Variants in DLG2 observed in about 807,000 individuals in gnomAD.
DLG2 encodes the protein discs large MAGUK scaffold protein 2, also known as disks large homolog 2.
In DLG2, 45 loss-of-function variants were observed where a neutral mutation model predicts 132.5. The ratio of observed to expected loss-of-function variants is 0.34; its 90% CI spans 0.27 to 0.44. DLG2 has a LOEUF of 0.44. DLG2 is among the 20% of genes least tolerant of loss of function. The pLI, the probability that DLG2 is intolerant of heterozygous loss-of-function variation, is 1.00. For missense variants in DLG2, 1,045 were observed against 1,196.9 expected (o/e 0.87, Z 1.87); for synonymous variants, 424 against 419.6 (o/e 1.01, Z -0.13).
intron 17 of DLG2, among the ~76,000 whole-genome samples, chr11:83,803,221 G>C (rs1280244078): frequency 6.6e-6 from 1 of 152,076 alleles, no homozygotes; most frequent in Admixed American, 6.6e-5. Flanking sequence ...GGATGGATTG[G>C]TGAAGAAAGC....
intron 6 of DLG2, among the ~76,000 whole-genome samples, chr11:84,825,480 T>A (rs942981734): frequency 1.3e-5 from 2 of 151,928 alleles, no homozygotes; most frequent in Admixed American, 1.3e-4. Context: ...ATGAACTATT[T>A]AAAAAATCCA....
chr11:83,550,630 T>C (rs543833483), intron 19 of DLG2, among the ~76,000 whole-genome samples: 38 of 152,260 alleles, frequency 2.5e-4, no homozygotes, highest in African/African-American at 8.7e-4. Context: ...AGATTAATCA[T>C]CTTAAAATCA....
chr11:84,252,254 G>A (rs181672872), intron 7 of DLG2, among the ~76,000 whole-genome samples: 64 of 138,758 alleles, frequency 4.6e-4, no homozygotes, highest in East Asian at 4.7e-4. Context: ...CCAGTTCAAC[G>A]ATTCTTCTGT....
At chr11:85,528,811 T>A (rs2074980104) in intron 3 of DLG2, among the ~76,000 whole-genome samples, 1 of 152,198 alleles carries the variant, frequency 6.6e-6, no homozygotes, top group South Asian at 2.1e-4. Flanking sequence ...ACTTAACATT[T>A]TCATTTTGCA....
At chr11:83,597,150 CA>C (rs919113988) in intron 19 of DLG2, among the ~76,000 whole-genome samples, 1 of 152,038 alleles carries the variant, frequency 6.6e-6, no homozygotes, top group Non-Finnish European at 1.5e-5. Context: ...ATACCTACTT[CA>C]AAAGATAAAA....
intron 18 of DLG2, among the ~76,000 whole-genome samples, chr11:83,727,058 C>T (rs1233651106): frequency 6.6e-6 from 1 of 152,180 alleles, no homozygotes; most frequent in African/African-American, 2.4e-5. Flanking sequence ...TCAGGACTCT[C>T]CAATTCCTCT....
chr11:84,915,361 G>A (rs951343437), intron 6 of DLG2, among the ~76,000 whole-genome samples: 36 of 152,212 alleles, frequency 2.4e-4, no homozygotes, highest in African/African-American at 8.7e-4. Flanking sequence ...ATATCACAAT[G>A]CATAACTTTT....
intron 6 of DLG2, among the ~76,000 whole-genome samples, chr11:84,594,503 G>A (rs540218649): frequency 1.3e-5 from 2 of 152,242 alleles, no homozygotes; most frequent in South Asian, 2.1e-4. Context: ...AGAAAAAGAA[G>A]AATATGAAAG....
At chr11:85,269,746 G>A (rs988286185) in intron 4 of DLG2, among the ~76,000 whole-genome samples, 3 of 152,048 alleles carry the variant, frequency 2.0e-5, no homozygotes, top group Non-Finnish European at 2.9e-5. Flanking sequence ...TTAAATGAAG[G>A]TCTGCTCTTG....
At chr11:85,397,307 C>A (rs1021989372) in intron 3 of DLG2, among the ~76,000 whole-genome samples, 5 of 152,136 alleles carry the variant, frequency 3.3e-5, no homozygotes, top group Non-Finnish European at 5.9e-5. Context: ...ACAACAAGTA[C>A]CAGCCACTGC....
intron 9 of DLG2, among the ~76,000 whole-genome samples, chr11:84,105,414 C>T (rs1289623746): frequency 6.6e-6 from 1 of 152,128 alleles, no homozygotes; most frequent in African/African-American, 2.4e-5. Flanking sequence ...CTAAGCACAG[C>T]ACATGGGTGA....
intron 18 of DLG2, among the ~76,000 whole-genome samples, chr11:83,728,271 C>T (rs2090385990): frequency 6.6e-6 from 1 of 152,174 alleles, no homozygotes; most frequent in East Asian, 1.9e-4. Flanking sequence ...TTGCTGACTC[C>T]CCATCAACTA....
At chr11:85,362,366 T>C (rs983320058) in intron 3 of DLG2, among the ~76,000 whole-genome samples, 1 of 152,238 alleles carries the variant, frequency 6.6e-6, no homozygotes, top group Non-Finnish European at 1.5e-5. Context: ...TTGGGTTTTT[T>C]GGGTAGCTAT....
chr11:84,903,964 T>C (rs981437187), intron 6 of DLG2, among the ~76,000 whole-genome samples: 10 of 152,182 alleles, frequency 6.6e-5, no homozygotes, highest in African/African-American at 2.4e-4. Context: ...TGAAAGGCAA[T>C]TTACAAATGG....
In DLG2 at chr11:83,587,765, C is replaced by T. The variant is rs995304244; in HGVS notation, c.1940+45446G>A. 1.2e-4 allele frequency among the ~76,000 whole-genome samples: 19 copies of T among 152,116 alleles called. No individual in the cohort carries two copies. In the East Asian group the frequency reaches 2.5e-3, roughly 20 times the overall value. ...TCACTAGGAAGTGCCAGACAGTGGGCGCAGGTCAGTGGGTGCGCGCACCGT... is the reference window on the plus strand; with the variant it reads ...TCACTAGGAAGTGCCAGACAGTGGGTGCAGGTCAGTGGGTGCGCGCACCGT... On this transcript the variant is annotated intron_variant, in intron 19 of 27. Coordinates refer to ENST00000376104, the MANE Select transcript of DLG2 (RefSeq NM_001142699.3).
Position 85,424,823 on chromosome 11 carries a change from C to G in DLG2, c.41-139458G>C, listed in dbSNP as rs532954169. ...GATACAAGGGAAAAACAGCCCTCCA[C>G]AAATCAAGAACAATTCCCTCACCAA... On this transcript the variant is annotated intron_variant, in intron 3 of 27. Transcript: ENST00000376104. Among the ~76,000 whole-genome samples the G allele has an allele frequency of 4.8e-4, 73 of 152,236 alleles. 2 individuals carry two copies. Among genetic ancestry groups the G allele is most frequent in the African/African-American group, 1.6e-3 (67 of 41,538 alleles).
chr11:83,928,826 G>A (rs979484254), intron 15 of DLG2, among the ~76,000 whole-genome samples: 3 of 152,180 alleles, frequency 2.0e-5, no homozygotes, highest in South Asian at 2.1e-4. Flanking sequence ...AAAATGCCTG[G>A]CACAGAAGAG....
At chr11:85,218,012 A>C (rs2152587142) in intron 4 of DLG2, among the ~76,000 whole-genome samples, 1 of 152,256 alleles carries the variant, frequency 6.6e-6, no homozygotes, top group South Asian at 2.1e-4. Context: ...CTAGCCAGTT[A>C]TCCAAGCACC....
intron 7 of DLG2, among the ~76,000 whole-genome samples, chr11:84,393,565 A>G (rs1395529990): frequency 6.6e-6 from 1 of 152,130 alleles, no homozygotes; most frequent in African/African-American, 2.4e-5. Context: ...TTACCATTAC[A>G]TTGTGAGATG....
Sources: allele counts gnomAD v4.1 joint callset (sites outside exome capture counted in the v4.1 genomes callset), GRCh38; gene constraint gnomAD v4.1.1; transcripts MANE v1.5; gene names NCBI Gene and HGNC (gene_info 2026-07-23, HGNC 2026-07-21).